HINFP: variants seen among roughly 807,000 people sequenced by gnomAD.
The protein encoded by HINFP is MBD2 (methyl-CpG-binding protein)-interacting zinc finger protein.
In HINFP, 20 loss-of-function variants were observed where a neutral mutation model predicts 50.1. The ratio of observed to expected loss-of-function variants is 0.40; its 90% confidence interval spans 0.28 to 0.58. The LOEUF (loss-of-function observed/expected upper bound fraction) is 0.58, where lower values mean the gene tolerates loss of function less well. Among genes scored for constraint, HINFP ranks in the 20% least tolerant of loss-of-function variants. HINFP has a pLI of 0.45. For missense variants in HINFP, 505 were observed against 664.1 expected (o/e 0.76, Z 2.63); for synonymous variants, 247 against 243.7 (o/e 1.01, Z -0.13).
chr11:119,128,243 T>A (rs1465506788), intron 2 of HINFP, among the ~76,000 whole-genome samples: 2 of 152,224 alleles, frequency 1.3e-5, no homozygotes. Context: ...AAATCCAATC[T>A]GAAAACAATA....
intron 2 of HINFP, among the ~76,000 whole-genome samples, chr11:119,128,960 G>A (rs1366853927): frequency 2.0e-5 from 3 of 151,922 alleles, no homozygotes; most frequent in African/African-American, 2.4e-5. Context: ...ATAAGGAAAC[G>A]GAGGCACAGA....
chr11:119,126,998 G>A lies in HINFP; in HGVS notation c.54G>A (p.Glu18=), dbSNP rs1947441463. 6.2e-6 allele frequency: 10 copies of A among 1,614,192 alleles called. No homozygotes were observed. The highest frequency in any genetic ancestry group is 2.2e-5 in the South Asian group (2 of 91,084). Residue 18 remains glutamate (E), a synonymous_variant, in exon 2 of 10, where the codon GAG becomes GAA. Coordinates refer to ENST00000350777, the MANE Select transcript of HINFP (RefSeq NM_198971.3). Reference sequence around the variant, plus strand: ...AGGAGAATCTGTGGCTACAGTGTGAGTGGGGGTCCTGCTCCTTTGTGTGCT... The same window carrying A: ...AGGAGAATCTGTGGCTACAGTGTGAATGGGGGTCCTGCTCCTTTGTGTGCT... The part of the protein sequence containing the change: ...PRKENLWLQC[E]WGSCSFVCST...
Position 119,134,059 on chromosome 11 carries a change from G to T in HINFP, c.1140-25G>T, listed in dbSNP as rs1324629513. The stretch of plus-strand genomic sequence containing the variant: ...CTGTATCCCCCTGCCTGGGTTTGCT[G>T]CCCTTTATGCTCCTACCTCACCAGG... On this transcript the variant is annotated intron_variant, in intron 9 of 9. Transcript: ENST00000350777. The surrounding 1 kb of genome is among the most constrained non-coding windows in gnomAD (Gnocchi z 4.3). 2 of 1,613,544 alleles carry T rather than the reference G, an allele frequency of 1.2e-6. No homozygotes were observed. The highest frequency in any genetic ancestry group is 1.7e-6 in the Non-Finnish European group (2 of 1,179,766).
Position 119,131,983 on chromosome 11 carries a change from G to A in HINFP, c.676+1G>A, listed in dbSNP as rs1947787034. 3 of 1,613,944 alleles carry A rather than the reference G, an allele frequency of 1.9e-6. No individual in the cohort carries two copies. The highest frequency in any genetic ancestry group is 2.2e-5 in the East Asian group (1 of 44,874). ...ATCCGTCGCCAGACCTCATTGGATC[G>A]TAAGTAGTCAGAGGAAGTGGGGTGG... On this transcript the variant is annotated splice_donor_variant, in intron 5 of 9. Transcript: ENST00000350777. LOFTEE classifies it high-confidence loss of function. The surrounding 1 kb of genome is among the most constrained non-coding windows in gnomAD (Gnocchi z 4.2).
Position 119,132,718 on chromosome 11 carries a change from G to A in HINFP, c.812G>A (p.Arg271His), listed in dbSNP as rs766427405. 18 of 1,613,626 alleles carry A rather than the reference G, an allele frequency of 1.1e-5. No individual in the cohort carries two copies. The highest frequency in any genetic ancestry group is 4.0e-5 in the African/African-American group (3 of 74,866). The change falls in exon 7 of 10, where the codon CGC becomes CAC. Residue 271 changes from arginine to histidine, a missense_variant. Arg to His is a conservative substitution (Grantham distance 29). Coordinates refer to ENST00000350777, the MANE Select transcript of HINFP (RefSeq NM_198971.3). ...DMTCPLPSSL[R>H]NHMRFRHSED... Reference sequence around the variant, plus strand: ...ACCTGCCCGCTGCCTTCCTCCCTCCGCAACCACATGCGCTTTCGTCACAGT... The same window carrying A: ...ACCTGCCCGCTGCCTTCCTCCCTCCACAACCACATGCGCTTTCGTCACAGT...
chr11:119,134,144 G>A lies in HINFP; in HGVS notation c.1200G>A (p.Glu400=). 6.2e-7 allele frequency: 1 copy of A among 1,613,622 alleles called. No homozygotes were observed. Among genetic ancestry groups the A allele is most frequent in the East Asian group, 2.2e-5 (1 of 44,854 alleles). The part of the protein sequence containing the change: ...RLQLVRYESV[E]LTQQLLRQPQ... The stretch of plus-strand genomic sequence containing the variant: ...AGCTGGTTCGCTACGAGAGTGTAGA[G>A]CTGACACAGCAACTGCTGCGGCAAC... Residue 400 remains glutamate (E), a synonymous_variant, in exon 10 of 10, where the codon GAG becomes GAA. Transcript: ENST00000350777. This position sits in a 1 kb window ranked among gnomAD's most constrained non-coding sequence, Gnocchi z 4.3.
rs1037849385 is a variant in HINFP, at chr11:119,125,722, T to C, written c.-10-1213T>C. The stretch of plus-strand genomic sequence containing the variant: ...ACATGCCTAAGCATGCCTAGCAGTG[T>C]ATAGACACCCAAGGTGCAGTATAAA... On this transcript the variant is annotated intron_variant, in intron 1 of 9. Transcript: ENST00000350777. The C allele has an allele frequency of 4.6e-5, 7 of 152,194 alleles. 1 individual carries two copies. 9.4% of individuals were successfully genotyped at this position (152,194 alleles called of 1,614,324 possible).
intron 2 of HINFP, among the ~76,000 whole-genome samples, chr11:119,129,357 G>A (rs1175609664): frequency 6.6e-6 from 1 of 150,952 alleles, no homozygotes; most frequent in Admixed American, 6.6e-5. Flanking sequence ...TTTTTTTTTA[G>A]AGACAGAGTC....
At chr11:119,126,678 A>G (rs1201480782) in intron 1 of HINFP, 1 of 311,222 alleles carries the variant, frequency 3.2e-6, no homozygotes, top group Admixed American at 4.7e-5. Context: ...CTTCATGAGA[A>G]AATGTCTGTT....
chr11:119,124,793 G>A (rs1222307019), intron 1 of HINFP: 1 of 151,852 alleles, frequency 6.6e-6, no homozygotes. Flanking sequence ...GGCCATCATG[G>A]TGAAACTCTG....
In HINFP at chr11:119,134,007, TC is replaced by T. The variant is rs754852019; in HGVS notation, c.1140-75del. ...GACTTCTTCCATCCCTCATGTTTGT[TC>T]CTTACTTTGCCAGCCTCGGCCATTT... On this transcript the variant is annotated intron_variant, in intron 9 of 9. Coordinates refer to ENST00000350777, the MANE Select transcript of HINFP (RefSeq NM_198971.3). This position sits in a 1 kb window ranked among gnomAD's most constrained non-coding sequence, Gnocchi z 4.3. 6.2e-7 allele frequency: 1 copy of T among 1,601,878 alleles called. No homozygotes were observed. Among genetic ancestry groups the T allele is most frequent in the African/African-American group, 1.3e-5 (1 of 74,850 alleles).
chr11:119,131,620 A>T lies in HINFP; in HGVS notation c.497A>T (p.Asn166Ile), dbSNP rs577319500. 17 of 1,613,952 alleles carry T rather than the reference A, an allele frequency of 1.1e-5. No individual in the cohort carries two copies. Among genetic ancestry groups the T allele is most frequent in the African/African-American group, 1.3e-5 (1 of 74,884 alleles). ...CCEYEAVGKD[N>I]PVVLCGWKGC... ...GAATACGAAGCAGTCGGCAAGGACAACCCGGTGGTGCTGTGTGGCTGGAAA... is the reference window on the plus strand; with the variant it reads ...GAATACGAAGCAGTCGGCAAGGACATCCCGGTGGTGCTGTGTGGCTGGAAA... The change falls in exon 4 of 10, where the codon AAC becomes ATC. Residue 166 changes from asparagine to isoleucine, a missense_variant. Physicochemically the swap from Asn to Ile is moderately radical, Grantham distance 149. Coordinates refer to ENST00000350777, the MANE Select transcript of HINFP (RefSeq NM_198971.3). The surrounding 1 kb of genome is among the most constrained non-coding windows in gnomAD (Gnocchi z 4.2).
At position 119,132,854 on chromosome 11, in the gene HINFP, C is replaced by G; in HGVS notation, c.876-10C>G. ...CATGTCCTCCAATCCCTCCTGATTT[C>G]TCATGGCAGCTGCAAGAATCTTATT... is the stretch of plus-strand genomic sequence containing the variant. On this transcript the variant is annotated splice_polypyrimidine_tract_variant and intron_variant, in intron 7 of 9. Coordinates refer to ENST00000350777, the MANE Select transcript of HINFP (RefSeq NM_198971.3). 6.2e-7 allele frequency: 1 copy of G among 1,614,188 alleles called. No homozygotes were observed. Among genetic ancestry groups the G allele is most frequent in the Non-Finnish European group, 8.5e-7 (1 of 1,180,046 alleles).
chr11:119,126,765 C>G, intron 1 of HINFP, 170 bp from the exon 2 acceptor site: 1 of 564,758 alleles, frequency 1.8e-6, no homozygotes, highest in South Asian at 2.5e-5. Context: ...CACCAGACAT[C>G]TTCCAGGGAT....
At chr11:119,121,715 C>G (rs1947067612) in intron 1 of HINFP, 76 bp downstream of exon 1, 2 of 152,482 alleles carry the variant, frequency 1.3e-5, no homozygotes, top group Non-Finnish European at 1.5e-5. Context: ...AGTATTCTTG[C>G]CGCTTGGCCA....
At chr11:119,127,989 G>A (rs991232170) in intron 2 of HINFP, among the ~76,000 whole-genome samples, 1 of 151,960 alleles carries the variant, frequency 6.6e-6, no homozygotes, top group Non-Finnish European at 1.5e-5. Context: ...TTGTAGCTGG[G>A]ACTACAGGCG....
At chr11:119,133,303 G>A (rs1158162480) in intron 9 of HINFP, 84 bp downstream of exon 9, 20 of 1,545,054 alleles carry the variant, frequency 1.3e-5, no homozygotes, top group Non-Finnish European at 1.8e-5. Context: ...AATTTGGGTC[G>A]GGCGCGGTGG....
At chr11:119,123,713 T>TG (rs1456727080) in intron 1 of HINFP, 4 of 139,404 alleles carry the variant, frequency 2.9e-5, no homozygotes, top group Non-Finnish European at 6.4e-5. Flanking sequence ...GCTGTTTTTT[T>TG]TTTTTTTTTT....
chr11:119,132,332 T>C, intron 5 of HINFP, 164 bp from the exon 6 acceptor site: 1 of 670,186 alleles, frequency 1.5e-6, no homozygotes, highest in Non-Finnish European at 2.5e-6. Context: ...ACTCAGGTTC[T>C]CTAAGTCCCA....
Sources: allele counts gnomAD v4.1 joint callset (sites outside exome capture counted in the v4.1 genomes callset), GRCh38; gene constraint gnomAD v4.1.1; non-coding constraint Gnocchi (gnomAD v3.1); transcripts MANE v1.5; gene names NCBI Gene and HGNC (gene_info 2026-07-23, HGNC 2026-07-21).